The following CYSLTR2 variants were observed in gnomAD, a reference collection of about 807,000 sequenced individuals.
The protein encoded by CYSLTR2 is G-protein coupled receptor GPCR21.
For missense variants in CYSLTR2, 398 were observed against 411.9 expected, an observed-to-expected ratio of 0.97 and a Z score of 0.29; for synonymous variants, 179 against 160.8, an observed-to-expected ratio of 1.11 and a Z score of -0.86.
chr13:48,706,168 G>A (rs1025996002), intron 4 of CYSLTR2, among the ~76,000 whole-genome samples: 2 of 151,706 alleles, frequency 1.3e-5, no homozygotes, highest in Admixed American at 6.6e-5. Flanking sequence ...GCTAATTTTT[G>A]TATTTTTAGT....
At chr13:48,698,118 C>T (rs1232156558) in intron 4 of CYSLTR2, among the ~76,000 whole-genome samples, 2 of 152,170 alleles carry the variant, frequency 1.3e-5, no homozygotes, top group Non-Finnish European at 2.9e-5. Flanking sequence ...TCCAGGAGAA[C>T]TTCCCCAACC....
chr13:48,671,309 C>G (rs572774369), intron 1 of CYSLTR2, among the ~76,000 whole-genome samples: 1 of 152,174 alleles, frequency 6.6e-6, no homozygotes, highest in African/African-American at 2.4e-5. Context: ...ATTTCCAATA[C>G]TATGTTGAAT....
intron 1 of CYSLTR2, among the ~76,000 whole-genome samples, chr13:48,690,085 T>C (rs947472007): frequency 6.6e-6 from 1 of 152,198 alleles, no homozygotes; most frequent in Non-Finnish European, 1.5e-5. Flanking sequence ...GGAATGCTTG[T>C]AATTTTTGCA....
At chr13:48,701,920 C>G (rs1413384483) in intron 4 of CYSLTR2, among the ~76,000 whole-genome samples, 1 of 152,110 alleles carries the variant, frequency 6.6e-6, no homozygotes, top group East Asian at 1.9e-4. Context: ...GGCATATACC[C>G]AAAGGATTAT....
At chr13:48,680,841 A>C (rs1953736547) in intron 1 of CYSLTR2, among the ~76,000 whole-genome samples, 1 of 125,752 alleles carries the variant, frequency 8.0e-6, no homozygotes, top group Admixed American at 9.8e-5. Context: ...GAAATGTTGC[A>C]GTGTGGTGTA....
chr13:48,705,598 A>C (rs111380105), intron 4 of CYSLTR2, among the ~76,000 whole-genome samples: 21,984 of 148,440 alleles, frequency 0.15, 2,796 homozygotes, highest in African/African-American at 0.35. Flanking sequence ...ATTTCTCTCT[A>C]TATATATAAT....
intron 4 of CYSLTR2, among the ~76,000 whole-genome samples, chr13:48,701,498 A>T (rs1954345956): frequency 6.6e-6 from 1 of 152,198 alleles, no homozygotes; most frequent in Non-Finnish European, 1.5e-5. Flanking sequence ...AAGATCAAAG[A>T]CTTAAATGTA....
chr13:48,675,998 A>G (rs907656566), intron 1 of CYSLTR2, among the ~76,000 whole-genome samples: 3 of 152,138 alleles, frequency 2.0e-5, no homozygotes, highest in Non-Finnish European at 4.4e-5. Context: ...ACCAGTCCCA[A>G]TGAGATGAGC....
chr13:48,673,027 A>G (rs1363308530), intron 1 of CYSLTR2, among the ~76,000 whole-genome samples: 1 of 152,156 alleles, frequency 6.6e-6, no homozygotes, highest in Non-Finnish European at 1.5e-5. Context: ...ACTTCCAATT[A>G]TGTGGTCAAT....
intron 4 of CYSLTR2, among the ~76,000 whole-genome samples, chr13:48,705,241 C>A (rs1308460833): frequency 6.6e-6 from 1 of 152,118 alleles, no homozygotes; most frequent in Admixed American, 6.6e-5. Flanking sequence ...AGAGCCATTC[C>A]TTATTTCCTT....
intron 1 of CYSLTR2, among the ~76,000 whole-genome samples, chr13:48,683,217 T>G (rs555506657): frequency 6.6e-6 from 1 of 152,176 alleles, no homozygotes; most frequent in Non-Finnish European, 1.5e-5. Flanking sequence ...TATGATAAAA[T>G]GATTTATATT....
intron 1 of CYSLTR2, among the ~76,000 whole-genome samples, chr13:48,666,643 C>T (rs146757958): frequency 1.1e-3 from 160 of 152,210 alleles, no homozygotes; most frequent in African/African-American, 3.8e-3. Flanking sequence ...GACCTGTCTT[C>T]GTGCTTAGAA....
chr13:48,689,860 C>T (rs1953992151), intron 1 of CYSLTR2, among the ~76,000 whole-genome samples: 1 of 152,116 alleles, frequency 6.6e-6, no homozygotes, highest in Non-Finnish European at 1.5e-5. Flanking sequence ...TGGCCATTTT[C>T]ATGATACTGA....
chr13:48,678,030 T>C (rs891490997), intron 1 of CYSLTR2, among the ~76,000 whole-genome samples: 5 of 151,926 alleles, frequency 3.3e-5, no homozygotes, highest in African/African-American at 1.2e-4. Flanking sequence ...CACCACCACA[T>C]TTCTCCATAC....
chr13:48,669,357 C>T (rs1165715185), intron 1 of CYSLTR2, among the ~76,000 whole-genome samples: 1 of 151,924 alleles, frequency 6.6e-6, no homozygotes, highest in Non-Finnish European at 1.5e-5. Context: ...ATACACATGC[C>T]ATGATTGTTT....
At chr13:48,686,447 A>G (rs1953895518) in intron 1 of CYSLTR2, among the ~76,000 whole-genome samples, 2 of 152,176 alleles carry the variant, frequency 1.3e-5, no homozygotes. Context: ...ATGTTAGGTA[A>G]TTTGAGGATA....
At chr13:48,706,484 A>G in intron 4 of CYSLTR2, 1 of 208,406 alleles carries the variant, frequency 4.8e-6, no homozygotes, top group South Asian at 1.1e-4. Context: ...CTGATGAGAA[A>G]TCTGCTATTC....
rs936644660 is a variant in CYSLTR2 at position 48,692,914 on chromosome 13, A to C, written c.-175-524A>C. On this transcript the variant is annotated intron_variant, in intron 2 of 4. Transcript: ENST00000682523. ...ATTGTATTTAATGATCAGTGTTTTTATGTTTATTTAGAAATTGTGTAGGCA... is the reference window on the plus strand; with the variant it reads ...ATTGTATTTAATGATCAGTGTTTTTCTGTTTATTTAGAAATTGTGTAGGCA... 2.1e-4 allele frequency among the ~76,000 whole-genome samples: 32 copies of C among 151,720 alleles called. 1 individual carries two copies. The highest frequency in any genetic ancestry group is 4.3e-4 in the Non-Finnish European group (29 of 67,778).
intron 1 of CYSLTR2, among the ~76,000 whole-genome samples, chr13:48,669,126 G>T (rs377277905): frequency 6.6e-6 from 1 of 151,992 alleles, no homozygotes; most frequent in Non-Finnish European, 1.5e-5. Flanking sequence ...TATATACCCC[G>T]TAATGGGATT....
Sources: gnomAD v4.1 joint callset for allele counts (sites outside exome capture counted in the v4.1 genomes callset) on GRCh38, gnomAD v4.1.1 for gene constraint, MANE v1.5 for transcripts, NCBI Gene and HGNC (gene_info 2026-07-23, HGNC 2026-07-21) for gene names.